KAT7: variants seen among roughly 807,000 people sequenced by gnomAD.
KAT7 encodes histone acetyltransferase KAT7.
KAT7 carries 10 observed loss-of-function variants against 82.1 expected under a neutral mutation model. The ratio of observed to expected loss-of-function variants is 0.12; its 90% CI spans 0.08 to 0.21. The LOEUF (loss-of-function observed/expected upper bound fraction) is 0.21. Among genes scored for constraint, KAT7 ranks in the 10% least tolerant of loss-of-function variants. The pLI is 1.00. For synonymous variants in KAT7, 250 were observed against 262.5 expected, an observed-to-expected ratio of 0.95 and a Z score of 0.46; for missense variants, 378 against 760.9, an observed-to-expected ratio of 0.50 and a Z score of 5.92.
rs1450931679 is a variant in KAT7, at chr17:49,828,418, T to G, written c.*916T>G. ...TTTCACCTCCACTAGTCTGATACAG[T>G]ACATCTGTACTTCCATATACCTTGC... is the stretch of plus-strand genomic sequence containing the variant. On this transcript the variant is annotated 3_prime_UTR_variant, in exon 15 of 15. Coordinates refer to ENST00000259021, the MANE Select transcript of KAT7 (RefSeq NM_007067.5). The G allele has an allele frequency of 2.6e-5, 4 of 152,244 alleles. No homozygotes were observed. Among genetic ancestry groups the G allele is most frequent in the Non-Finnish European group, 1.5e-5 (1 of 68,026 alleles). The allele number at this position is 152,244 out of a possible 1,614,324, so 9.4% of individuals were successfully genotyped here.
chr17:49,811,574 G>T lies in KAT7; in HGVS notation c.852G>T (p.Met284Ile), dbSNP rs1598073424. ...GLSKEQKEKY[M>I]EHRQTYGNTR... is the part of the protein sequence containing the mutation. ...GCAAAGAACAGAAAGAGAAATATAT[G>T]GTGAGGGAAAGTTAAATATTTAATG... Residue 284 changes from methionine to isoleucine, a missense_variant and splice_region_variant, in exon 7 of 15, where the codon ATG becomes ATT. Physicochemically the swap from Met to Ile is conservative, Grantham distance 10 (BLOSUM62 1). This residue lies in a region of KAT7 where 102 missense variants were observed against 129.8 expected (regional missense o/e 0.79). Coordinates refer to ENST00000259021, the MANE Select transcript of KAT7 (RefSeq NM_007067.5). The T allele has an allele frequency of 6.9e-7, 1 of 1,444,232 alleles. No individual in the cohort carries two copies. Among genetic ancestry groups the T allele is most frequent in the Non-Finnish European group, 9.3e-7 (1 of 1,071,824 alleles). The allele number at this position is 1,444,232 out of a possible 1,614,324, so 89.5% of individuals were successfully genotyped here.
intron 8 of KAT7, among the ~76,000 whole-genome samples, chr17:49,817,260 T>C (rs1362544176): frequency 6.6e-6 from 1 of 152,222 alleles, no homozygotes; most frequent in Non-Finnish European, 1.5e-5. Context: ...TTCCAAGGTA[T>C]CATTCTGGTG....
intron 8 of KAT7, among the ~76,000 whole-genome samples, chr17:49,817,528 A>G (rs769710884): frequency 1.3e-5 from 2 of 152,228 alleles, no homozygotes; most frequent in Non-Finnish European, 2.9e-5. Flanking sequence ...GCTGGAGTGC[A>G]GTAGTGCGAT....
Position 49,815,916 on chromosome 17 carries a change from G to A in KAT7, c.963+3G>A, listed in dbSNP as rs1211864543. 6.3e-7 allele frequency: 1 copy of A among 1,592,036 alleles called. No individual in the cohort carries two copies. Among genetic ancestry groups the A allele is most frequent in the Non-Finnish European group, 8.6e-7 (1 of 1,159,922 alleles). On this transcript the variant is annotated splice_donor_region_variant and intron_variant, in intron 8 of 14. Coordinates refer to ENST00000259021, the MANE Select transcript of KAT7 (RefSeq NM_007067.5). ...AAGCCCGGGCTTCAGAGGATTTGGT[G>A]AGTATTAAAACCTCCAAACTGAAGG...
rs149667968 is a variant in KAT7, at chr17:49,804,105, C to T, written c.581-1258C>T. On this transcript the variant is annotated intron_variant, in intron 4 of 14. Transcript: ENST00000259021. The stretch of plus-strand genomic sequence containing the variant: ...ATGAAAAATAGATGAATGGGCCGGG[C>T]GCGGTGGCTCACGCCTGTAATCCCA... Among the ~76,000 whole-genome samples the T allele has an allele frequency of 4.4e-4, 67 of 152,228 alleles. No homozygotes were observed. In the East Asian group the frequency reaches 9.7e-3, roughly 22 times the overall value.
chr17:49,792,739 A>T (rs1409994264), intron 2 of KAT7, among the ~76,000 whole-genome samples: 2 of 152,206 alleles, frequency 1.3e-5, no homozygotes, highest in African/African-American at 4.8e-5. Context: ...TTGTAGGCTA[A>T]TGTAAGTGGT....
intron 1 of KAT7, chr17:49,789,987 C>T (rs919047568): frequency 6.6e-6 from 1 of 152,078 alleles, no homozygotes; most frequent in African/African-American, 2.4e-5. Flanking sequence ...ATAATGGTGA[C>T]TTTTAAGATT....
At position 49,827,533 on chromosome 17, in the gene KAT7, C is replaced by T. The variant is rs748689670; in HGVS notation, c.*31C>T. 10 of 1,277,816 alleles carry T rather than the reference C, an allele frequency of 7.8e-6. No homozygotes were observed. The highest frequency in any genetic ancestry group is 1.1e-6 in the Non-Finnish European group (1 of 874,496). The allele number at this position is 1,277,816 out of a possible 1,614,324, so 79.2% of individuals were successfully genotyped here. A position where few individuals can be genotyped will look rare whatever the true frequency, so the allele number is the denominator to read the frequency against. ...CCTGTCATTCCGAGCCAGCGAACCC[C>T]AGCAGTAGGAATCCGTACCCTAGGG... On this transcript the variant is annotated 3_prime_UTR_variant, in exon 15 of 15. Coordinates refer to ENST00000259021, the MANE Select transcript of KAT7 (RefSeq NM_007067.5).
rs1362402594 is a variant in KAT7, at chr17:49,827,715, A to G, written c.*213A>G. On this transcript the variant is annotated 3_prime_UTR_variant, in exon 15 of 15. Coordinates refer to ENST00000259021, the MANE Select transcript of KAT7 (RefSeq NM_007067.5). ...TTTCGGCCTCAGTGAGGTTGCCTGG[A>G]TGGGATCTGTATTAGACTTGAGTGC... 3 of 586,414 alleles carry G rather than the reference A, an allele frequency of 5.1e-6. No homozygotes were observed. The highest frequency in any genetic ancestry group is 3.7e-5 in the African/African-American group (2 of 53,602). The allele number at this position is 586,414 out of a possible 1,614,324, so 36.3% of individuals were successfully genotyped here. A position where few individuals can be genotyped will look rare whatever the true frequency, so the allele number is the denominator to read the frequency against.
chr17:49,810,722 G>A (rs1400174982), intron 6 of KAT7, among the ~76,000 whole-genome samples: 1 of 152,158 alleles, frequency 6.6e-6, no homozygotes, highest in African/African-American at 2.4e-5. Flanking sequence ...TGGTGGAGAC[G>A]TCTATCCTTA....
At chr17:49,793,538 A>G (rs567318286) in intron 2 of KAT7, among the ~76,000 whole-genome samples, 1 of 150,640 alleles carries the variant, frequency 6.6e-6, no homozygotes, top group South Asian at 2.1e-4. Context: ...AAACTTTAAC[A>G]TGTTTTGAGC....
chr17:49,800,775 A>G (rs774241788), intron 4 of KAT7, among the ~76,000 whole-genome samples: 2 of 152,166 alleles, frequency 1.3e-5, no homozygotes, highest in African/African-American at 2.4e-5. Flanking sequence ...TAATATATCA[A>G]CTGGAGATAA....
In KAT7 at chr17:49,817,745, G is replaced by A. The variant is rs563846717; in HGVS notation, c.964-75G>A. 1.8e-5 allele frequency: 21 copies of A among 1,199,128 alleles called. No individual in the cohort carries two copies. In the East Asian group the frequency reaches 4.9e-4, roughly 28 times the overall value. The allele number at this position is 1,199,128 out of a possible 1,614,324, so 74.3% of individuals were successfully genotyped here. A position where few individuals can be genotyped will look rare whatever the true frequency, so the allele number is the denominator to read the frequency against. ...GCCTCCCAAAGTGTTGGGATTACAG[G>A]AGCCACTGTGCCCTGTCTAAAAGCA... On this transcript the variant is annotated intron_variant, in intron 8 of 14. Coordinates refer to ENST00000259021, the MANE Select transcript of KAT7 (RefSeq NM_007067.5).
intron 10 of KAT7, 37 bp downstream of exon 10, chr17:49,821,463 T>G (rs757026470): frequency 6.3e-7 from 1 of 1,576,704 alleles, no homozygotes; most frequent in South Asian, 1.1e-5. Context: ...GTTGAAATGT[T>G]GTATATTCAC....
At chr17:49,813,555 TC>T (rs2074196895) in intron 7 of KAT7, among the ~76,000 whole-genome samples, 1 of 152,206 alleles carries the variant, frequency 6.6e-6, no homozygotes, top group Admixed American at 6.5e-5. Flanking sequence ...TGGATTTTGT[TC>T]CTGTGGATTC....
Position 49,817,879 on chromosome 17 carries a change from T to C in KAT7, c.1023T>C (p.Ala341=), listed in dbSNP as rs1459111307. 5.0e-6 allele frequency: 8 copies of C among 1,613,206 alleles called. No individual in the cohort carries two copies. Among genetic ancestry groups the C allele is most frequent in the Non-Finnish European group, 5.9e-6 (7 of 1,179,810 alleles). ...TEGSNMIKTI[A]FGRYELDTWY... ...GAAGCAACATGATTAAAACAATTGCTTTTGGCCGCTATGAGCTTGATACCT... is the reference window on the plus strand; with the variant it reads ...GAAGCAACATGATTAAAACAATTGCCTTTGGCCGCTATGAGCTTGATACCT... Residue 341 remains alanine (A), a synonymous_variant, in exon 9 of 15, where the codon GCT becomes GCC. Transcript: ENST00000259021.
At chr17:49,805,150 A>G (rs1029711576) in intron 4 of KAT7, among the ~76,000 whole-genome samples, 2 of 152,252 alleles carry the variant, frequency 1.3e-5, no homozygotes, top group African/African-American at 4.8e-5. Context: ...TTGATCATAC[A>G]TAAGCATGTT....
chr17:49,798,750 G>A (rs576791697), intron 4 of KAT7, among the ~76,000 whole-genome samples, 192 bp downstream of exon 4: 46 of 151,960 alleles, frequency 3.0e-4, no homozygotes, highest in African/African-American at 1.1e-3. Flanking sequence ...TAATAGATCT[G>A]GTTGTAAGGA....
At chr17:49,789,422 C>T (rs1179803635) in intron 1 of KAT7, 1 of 152,440 alleles carries the variant, frequency 6.6e-6, no homozygotes, top group African/African-American at 2.4e-5. Context: ...AGCCAGCGCC[C>T]ACTCGCAGGG....
Sources: allele counts gnomAD v4.1 joint callset (sites outside exome capture counted in the v4.1 genomes callset), GRCh38; gene constraint gnomAD v4.1.1; regional missense constraint gnomAD v4.1.1; transcripts MANE v1.5; gene names NCBI Gene and HGNC (gene_info 2026-07-23, HGNC 2026-07-21).